Variants in TSPAN18 observed in about 807,000 individuals in gnomAD.
TSPAN18 encodes tetraspanin-18.
TSPAN18 carries 14 observed loss-of-function variants against 27.3 expected under a neutral mutation model. The ratio of observed to expected loss-of-function variants is 0.51; its 90% CI spans 0.34 to 0.80. The LOEUF (loss-of-function observed/expected upper bound fraction) is 0.80, where lower values mean the gene tolerates loss of function less well. TSPAN18 is among the 30% of genes least tolerant of loss of function. The pLI is 0.01. For synonymous variants in TSPAN18, 143 were observed against 136.5 expected (o/e 1.05, Z -0.33); for missense variants, 268 against 323.9 (o/e 0.83, Z 1.32).
rs562606903 is a variant in TSPAN18 at position 44,931,124 on chromosome 11, A to G, written c.*1946A>G. 202 of 360,256 alleles carry G rather than the reference A, an allele frequency of 5.6e-4. No individual in the cohort carries two copies. Among genetic ancestry groups the G allele is most frequent in the Non-Finnish European group, 8.3e-4 (150 of 181,140 alleles). 22.3% of individuals were successfully genotyped at this position (360,256 alleles called of 1,614,324 possible). On this transcript the variant is annotated 3_prime_UTR_variant, in exon 10 of 10. Transcript: ENST00000520358. Reference sequence around the variant, plus strand: ...CCAGGTCTCTGAGCTCAGTGTTACCAAATTCGCCCTTTAACAGCTTGCTCT... The same window carrying G: ...CCAGGTCTCTGAGCTCAGTGTTACCGAATTCGCCCTTTAACAGCTTGCTCT...
chr11:44,931,079 C>T lies in TSPAN18; in HGVS notation c.*1901C>T, dbSNP rs142153208. ...TCCTCTAATCTCCTCCTGCTGTGCCCGCCAGTCCTTGCCCTCCCACCAGGT... is the reference window on the plus strand; with the variant it reads ...TCCTCTAATCTCCTCCTGCTGTGCCTGCCAGTCCTTGCCCTCCCACCAGGT... On this transcript the variant is annotated 3_prime_UTR_variant, in exon 10 of 10. Coordinates refer to ENST00000520358, the MANE Select transcript of TSPAN18 (RefSeq NM_130783.5). The T allele has an allele frequency of 8.9e-4, 360 of 404,160 alleles. 2 individuals carry two copies. Among genetic ancestry groups the T allele is most frequent in the African/African-American group, 6.7e-3 (328 of 48,794 alleles). 25.0% of individuals were successfully genotyped at this position (404,160 alleles called of 1,614,324 possible).
At chr11:44,882,619 CACACACACAGAGAG>C (rs1858522977) in intron 3 of TSPAN18, among the ~76,000 whole-genome samples, 1 of 124,460 alleles carries the variant, frequency 8.0e-6, no homozygotes, top group African/African-American at 2.7e-5. Flanking sequence ...CACACACACA[CACACACACAGAGAG>C]AGAGCATGTG....
chr11:44,883,071 A>G (rs1022725093), intron 3 of TSPAN18, among the ~76,000 whole-genome samples: 49 of 152,324 alleles, frequency 3.2e-4, no homozygotes, highest in African/African-American at 1.1e-3. Flanking sequence ...GGCACTGGGC[A>G]CCATGAGGCA....
At chr11:44,831,815 T>C (rs2135145009) in intron 2 of TSPAN18, among the ~76,000 whole-genome samples, 1 of 152,082 alleles carries the variant, frequency 6.6e-6, no homozygotes, top group South Asian at 2.1e-4. Context: ...AGGGTGTGGC[T>C]GGTGGGGTGG....
At chr11:44,804,634 T>C (rs774865016) in intron 2 of TSPAN18, among the ~76,000 whole-genome samples, 4 of 152,186 alleles carry the variant, frequency 2.6e-5, no homozygotes, top group Non-Finnish European at 5.9e-5. Context: ...CGAGCAGCGA[T>C]GAGGGATTCT....
chr11:44,906,065 C>T (rs1460124861), intron 3 of TSPAN18, among the ~76,000 whole-genome samples: 8 of 152,234 alleles, frequency 5.3e-5, no homozygotes, highest in South Asian at 2.1e-4. Flanking sequence ...GCACTTACCA[C>T]GTGCCCGACG....
At chr11:44,889,787 G>T (rs1297757625) in intron 3 of TSPAN18, among the ~76,000 whole-genome samples, 1 of 152,186 alleles carries the variant, frequency 6.6e-6, no homozygotes, top group Non-Finnish European at 1.5e-5. Flanking sequence ...TCATCTTGTG[G>T]TCTCTGAAGC....
Position 44,919,975 on chromosome 11 carries a change from A to T in TSPAN18, c.591A>T (p.Gly197=). Residue 197 remains glycine, a synonymous_variant, in exon 8 of 10, where the codon GGA becomes GGT. Coordinates refer to ENST00000520358, the MANE Select transcript of TSPAN18 (RefSeq NM_130783.5). The stretch of plus-strand genomic sequence containing the variant: ...TGAGCCGGGAGGAGTGCCTCCTGGG[A>T]AGGAGCCTATTCCTAAACAAGCAGG... ...VLLSREECLL[G]RSLFLNKQGC... 1 of 1,613,844 alleles carries T rather than the reference A, an allele frequency of 6.2e-7. No homozygotes were observed. The highest frequency in any genetic ancestry group is 8.5e-7 in the Non-Finnish European group (1 of 1,179,850).
chr11:44,820,770 G>A (rs1011933216), intron 2 of TSPAN18, among the ~76,000 whole-genome samples: 6 of 151,704 alleles, frequency 4.0e-5, no homozygotes, highest in African/African-American at 1.2e-4. Flanking sequence ...GAATGGTTTC[G>A]TGCCCTCCCT....
intron 2 of TSPAN18, among the ~76,000 whole-genome samples, chr11:44,818,588 G>C (rs1322271756): frequency 1.3e-5 from 2 of 152,130 alleles, no homozygotes; most frequent in Non-Finnish European, 2.9e-5. Context: ...GGAAGAGCTA[G>C]AGCATCCCCC....
In TSPAN18 at chr11:44,777,361, G is replaced by A. The variant is rs545992946; in HGVS notation, c.-153+12849G>A. Among the ~76,000 whole-genome samples, 142 of 152,298 alleles carry A rather than the reference G, an allele frequency of 9.3e-4. 2 individuals carry two copies. The Middle Eastern group carries it at 0.01, about 11-fold the overall frequency. On this transcript the variant is annotated intron_variant, in intron 2 of 9. Transcript: ENST00000520358. Reference sequence around the variant, plus strand: ...GGTGAGGCCACCTCATCTGGCCTCTGGGCTGCTGGCTCAGCCACCTCCTGG... The same window carrying A: ...GGTGAGGCCACCTCATCTGGCCTCTAGGCTGCTGGCTCAGCCACCTCCTGG...
At chr11:44,834,281 C>T (rs1020366485) in intron 2 of TSPAN18, among the ~76,000 whole-genome samples, 21 of 152,098 alleles carry the variant, frequency 1.4e-4, no homozygotes, top group Admixed American at 4.6e-4. Flanking sequence ...CAGTTCCTTT[C>T]GGCCCCTGGA....
At chr11:44,787,318 T>C (rs1452192538) in intron 2 of TSPAN18, among the ~76,000 whole-genome samples, 2 of 152,248 alleles carry the variant, frequency 1.3e-5, no homozygotes, top group Non-Finnish European at 2.9e-5. Context: ...TTAATTCTTA[T>C]GTAGTTAGTG....
chr11:44,742,949 G>T (rs1397276169), intron 1 of TSPAN18, among the ~76,000 whole-genome samples: 2 of 152,190 alleles, frequency 1.3e-5, no homozygotes, highest in African/African-American at 2.4e-5. Context: ...CTTCATGGGG[G>T]GGCTGGCATC....
intron 2 of TSPAN18, among the ~76,000 whole-genome samples, chr11:44,838,361 G>A (rs529303302): frequency 1.6e-4 from 25 of 152,182 alleles, no homozygotes; most frequent in African/African-American, 5.5e-4. Flanking sequence ...AGAACAGCAC[G>A]GGAAAGACCC....
intron 3 of TSPAN18, among the ~76,000 whole-genome samples, chr11:44,889,189 C>T (rs1298506427): frequency 1.3e-5 from 2 of 152,220 alleles, no homozygotes; most frequent in Non-Finnish European, 2.9e-5. Flanking sequence ...GCCTGTTTCT[C>T]CCACCCTTGG....
chr11:44,868,223 C>G (rs1778273028), intron 3 of TSPAN18, among the ~76,000 whole-genome samples: 1 of 151,130 alleles, frequency 6.6e-6, no homozygotes, highest in Non-Finnish European at 1.5e-5. Flanking sequence ...TGCCGTCACT[C>G]TCTGTCTGAG....
intron 1 of TSPAN18, among the ~76,000 whole-genome samples, chr11:44,733,132 C>G (rs780115384): frequency 6.6e-6 from 1 of 152,202 alleles, no homozygotes; most frequent in Non-Finnish European, 1.5e-5. Flanking sequence ...CCCAAACCAG[C>G]CCCCAGGGAG....
chr11:44,742,913 C>G (rs1854979679), intron 1 of TSPAN18, among the ~76,000 whole-genome samples: 1 of 152,184 alleles, frequency 6.6e-6, no homozygotes, highest in Non-Finnish European at 1.5e-5. Context: ...CCAGGGCCTC[C>G]TTGTCTTGGA....
Sources: allele counts gnomAD v4.1 joint callset (sites outside exome capture counted in the v4.1 genomes callset), GRCh38; gene constraint gnomAD v4.1.1; transcripts MANE v1.5; gene names NCBI Gene and HGNC (gene_info 2026-07-23, HGNC 2026-07-21).